LAMA5: variants seen among roughly 807,000 people sequenced by gnomAD.
LAMA5 encodes the protein laminin subunit alpha-5.
Under a neutral mutation model 433.4 loss-of-function variants are expected in LAMA5, and 260 were observed. That is an observed-to-expected ratio of 0.60 (90% confidence interval 0.54 to 0.66). The LOEUF is 0.66. Among genes scored for constraint, LAMA5 ranks in the 30% least tolerant of loss-of-function variants. The probability of loss-of-function intolerance (pLI) is 0.00; values close to 1 mark genes in which losing one functional copy is unlikely to be tolerated. For missense variants in LAMA5, 5,378 were observed against 5,258.5 expected, an observed-to-expected ratio of 1.02 and a Z score of -0.70; for synonymous variants, 2,620 against 2,226.6, an observed-to-expected ratio of 1.18 and a Z score of -4.97.
rs1038015186 is a variant in LAMA5 at position 62,322,734 on chromosome 20, G to A, written c.6089C>T (p.Thr2030Ile). The change falls in exon 46 of 80, where the codon ACA becomes ATA. Residue 2030 changes from threonine to isoleucine, a missense_variant. By Grantham distance (89) the Thr-to-Ile change is moderately conservative (BLOSUM62 -1). Coordinates refer to ENST00000252999, the MANE Select transcript of LAMA5 (RefSeq NM_005560.6). ...CCCGCTGTGGGGGTCGCAGGCCTCT[G>A]TCCCACATGGGGTACAGTCGCACCC... ...CTRCDCTPCG[T>I]EACDPHSGHC... 6 of 1,525,282 alleles carry A rather than the reference G, an allele frequency of 3.9e-6. No homozygotes were observed. The highest frequency in any genetic ancestry group is 1.3e-5 in the South Asian group (1 of 79,476). The allele number at this position is 1,525,282 out of a possible 1,614,324, so 94.5% of individuals were successfully genotyped here.
intron 51 of LAMA5, 124 bp downstream of exon 51, chr20:62,319,560 C>G (rs757574379): frequency 1.6e-5 from 11 of 671,788 alleles, no homozygotes; most frequent in Non-Finnish European, 2.8e-5. Flanking sequence ...CCAGAGGCGT[C>G]GTCTCCCATC....
At position 62,324,319 on chromosome 20, in the gene LAMA5, A is replaced by G; in HGVS notation, c.5644-115T>C. The G allele has an allele frequency of 7.0e-7, 1 of 1,436,836 alleles. No individual in the cohort carries two copies. The highest frequency in any genetic ancestry group is 2.0e-5 in the Admixed American group (1 of 48,838). The allele number at this position is 1,436,836 out of a possible 1,614,324, so 89.0% of individuals were successfully genotyped here. A position where few individuals can be genotyped will look rare whatever the true frequency, so the allele number is the denominator to read the frequency against. ...TGTGCCCAAGGCCAGATGGTCCCCC[A>G]CTGGGCAACACCCTTCCCCAGACCT... is the stretch of plus-strand genomic sequence containing the variant. On this transcript the variant is annotated intron_variant, in intron 42 of 79. Coordinates refer to ENST00000252999, the MANE Select transcript of LAMA5 (RefSeq NM_005560.6). This position sits in a 1 kb window ranked among gnomAD's most constrained non-coding sequence, Gnocchi z 4.4.
chr20:62,351,712 G>A lies in LAMA5; in HGVS notation c.948C>T (p.Asp316=). The A allele has an allele frequency of 1.9e-6, 3 of 1,611,572 alleles. No individual in the cohort carries two copies. Among genetic ancestry groups the A allele is most frequent in the South Asian group, 2.2e-5 (2 of 90,606 alleles). The part of the protein sequence containing the change: ...ADACDAKDPT[D]PFRLQCTCQH... ...CCTGAATGGGGCCTCACCTGAACGGGTCCGTGGGGTCTTTGGCATCGCAGG... is the reference window on the plus strand; with the variant it reads ...CCTGAATGGGGCCTCACCTGAACGGATCCGTGGGGTCTTTGGCATCGCAGG... The change falls in exon 6 of 80, where the codon GAC becomes GAT. Residue 316 remains aspartate, a synonymous_variant. Transcript: ENST00000252999.
intron 28 of LAMA5, 69 bp from the exon 29 acceptor site, chr20:62,331,198 ATGGGGGGG>A (rs1980341146): frequency 3.3e-6 from 1 of 307,054 alleles, no homozygotes; most frequent in Non-Finnish European, 4.9e-6. Flanking sequence ...AGGCGGTACG[ATGGGGGGG>A]TGCAGGCGGT....
Position 62,331,214 on chromosome 20 carries a change from G to GATGGGGGGGGTGCAGGCA in LAMA5, c.3553-86_3553-85insTGCCTGCACCCCCCCCAT, listed in dbSNP as rs1980355265. ...GGCGGTACGATGGGGGGGTGCAGGC[G>GATGGGGGGGGTGCAGGCA]GTACGATGGGGGGGTGCAGGCGGTA... On this transcript the variant is annotated intron_variant, in intron 28 of 79. Coordinates refer to ENST00000252999, the MANE Select transcript of LAMA5 (RefSeq NM_005560.6). The GATGGGGGGGGTGCAGGCA allele has an allele frequency of 1.5e-5, 3 of 194,738 alleles. 1 individual carries two copies. Among genetic ancestry groups the GATGGGGGGGGTGCAGGCA allele is most frequent in the African/African-American group, 1.2e-4 (2 of 16,972 alleles). The allele number at this position is 194,738 out of a possible 1,614,324, so 12.1% of individuals were successfully genotyped here. A position where few individuals can be genotyped will look rare whatever the true frequency, so the allele number is the denominator to read the frequency against.
rs776755768 is a variant in LAMA5, at chr20:62,338,381, G to T, written c.1619-12C>A. 1 of 1,606,932 alleles carries T rather than the reference G, an allele frequency of 6.2e-7. No individual in the cohort carries two copies. Among genetic ancestry groups the T allele is most frequent in the Non-Finnish European group, 8.5e-7 (1 of 1,176,694 alleles). ...GGAACACTGGCAGGCTGCAGGAAAG[G>T]GTGGCCCACATGCTTGGTCAGAGGC... On this transcript the variant is annotated splice_polypyrimidine_tract_variant and intron_variant, in intron 12 of 79. Transcript: ENST00000252999.
Position 62,312,954 on chromosome 20 carries a change from A to T in LAMA5, c.9012T>A (p.Phe3004Leu). The T allele has an allele frequency of 6.3e-7, 1 of 1,582,902 alleles. No homozygotes were observed. The highest frequency in any genetic ancestry group is 8.6e-7 in the Non-Finnish European group (1 of 1,162,698). ...GGACGGCCTTTTTCAGGCCAGCCCCAAAGTCATACAACAGCACGAGGCTGC... is the reference window on the plus strand; with the variant it reads ...GGACGGCCTTTTTCAGGCCAGCCCCTAAGTCATACAACAGCACGAGGCTGC... ...QEGSLVLLYDFGAGLKKAVPL... is the reference protein window; with the variant it reads ...QEGSLVLLYDLGAGLKKAVPL... Residue 3004 changes from phenylalanine (F) to leucine (L), a missense_variant, in exon 66 of 80, where the codon TTT becomes TTA. Transcript: ENST00000252999.
At position 62,316,006 on chromosome 20, in the gene LAMA5, C is replaced by T. The variant is rs755234059; in HGVS notation, c.7809G>A (p.Lys2603=). ...GGATGTGCGCCTCCAGCTGGTCCTT[C>T]TTGGCCCGGACATCTCGGAGCTGGG... ...ARTQLRDVRA[K]KDQLEAHIQA... The change falls in exon 58 of 80, where the codon AAG becomes AAA. Residue 2603 remains lysine, a synonymous_variant. Coordinates refer to ENST00000252999, the MANE Select transcript of LAMA5 (RefSeq NM_005560.6). 4 of 1,609,844 alleles carry T rather than the reference C, an allele frequency of 2.5e-6. No individual in the cohort carries two copies. The highest frequency in any genetic ancestry group is 2.7e-5 in the African/African-American group (2 of 74,922).
intron 2 of LAMA5, among the ~76,000 whole-genome samples, chr20:62,362,185 T>G (rs947791366): frequency 1.3e-5 from 2 of 152,246 alleles, no homozygotes; most frequent in Non-Finnish European, 1.5e-5. Context: ...GCTTTCCCTG[T>G]GTCATGGGGA....
intron 46 of LAMA5, 38 bp downstream of exon 46, chr20:62,322,620 G>GGGGGCCCCCC: frequency 7.1e-7 from 1 of 1,399,006 alleles, no homozygotes; most frequent in South Asian, 1.2e-5. Flanking sequence ...TAGTCCCTAG[G>GGGGGCCCCCC]CCCCACCCAC....
chr20:62,344,791 TA>T (rs200048179), intron 11 of LAMA5, among the ~76,000 whole-genome samples: 79 of 144,732 alleles, frequency 5.5e-4, no homozygotes, highest in African/African-American at 6.3e-4. Flanking sequence ...ACAGCATAAT[TA>T]AAAAAAAAAA....
At position 62,333,464 on chromosome 20, in the gene LAMA5, C is replaced by T; in HGVS notation, c.3039G>A (p.Leu1013=). The change falls in exon 25 of 80, where the codon CTG becomes CTA. Residue 1013 remains leucine, a synonymous_variant. Transcript: ENST00000252999. ...GCGCCGCCTCGTAGTATGCGCTAGG[C>T]AGCAGAACCACGTAGTCCTGCAGGG... ...EGVLLDYVVL[L]PSAYYEAALL... 6.2e-7 allele frequency: 1 copy of T among 1,612,586 alleles called. No individual in the cohort carries two copies. Among genetic ancestry groups the T allele is most frequent in the Non-Finnish European group, 8.5e-7 (1 of 1,179,844 alleles).
intron 19 of LAMA5, 42 bp from the exon 20 acceptor site, chr20:62,335,168 C>A (rs769705219): frequency 1.2e-6 from 2 of 1,612,464 alleles, no homozygotes; most frequent in Non-Finnish European, 1.7e-6. Context: ...AGGGGAGGGT[C>A]CTGACCAGTG....
intron 66 of LAMA5, 35 bp from the exon 67 acceptor site, chr20:62,312,815 G>A: frequency 6.2e-7 from 1 of 1,600,348 alleles, no homozygotes; most frequent in South Asian, 1.1e-5. Flanking sequence ...GGCCAGCTGT[G>A]TCCCTGCGGC....
intron 45 of LAMA5, 112 bp downstream of exon 45, chr20:62,323,344 T>C (rs2146130794): frequency 2.2e-6 from 2 of 909,744 alleles, no homozygotes; most frequent in Non-Finnish European, 3.2e-6. Context: ...CGACTTGTCC[T>C]GGCTGGGCCC....
intron 77 of LAMA5, 41 bp from the exon 78 acceptor site, chr20:62,310,122 G>A: frequency 6.2e-7 from 1 of 1,611,250 alleles, no homozygotes. Flanking sequence ...TGCCCCCGAG[G>A]TCACCAGAAT....
At position 62,363,418 on chromosome 20, in the gene LAMA5, C is replaced by T. The variant is rs546563031; in HGVS notation, c.298-866G>A. Among the ~76,000 whole-genome samples, 236 of 152,266 alleles carry T rather than the reference C, an allele frequency of 1.5e-3. 1 individual carries two copies. The highest frequency in any genetic ancestry group is 3.0e-3 in the Non-Finnish European group (206 of 68,004). On this transcript the variant is annotated intron_variant, in intron 1 of 79. Transcript: ENST00000252999. ...TGGCTCACACACACAGCCTGGCAGC[C>T]GCTTCTGTCCCGGGCCTGCCATCTG... is the stretch of plus-strand genomic sequence containing the variant.
chr20:62,319,077 T>A, intron 51 of LAMA5, 64 bp from the exon 52 acceptor site: 2 of 1,431,564 alleles, frequency 1.4e-6, no homozygotes, highest in East Asian at 5.0e-5. Flanking sequence ...GCCTGCTGGC[T>A]TCCAAGCCCA....
intron 71 of LAMA5, 38 bp from the exon 72 acceptor site, chr20:62,311,574 G>T (rs376821857): frequency 1.7e-5 from 27 of 1,609,648 alleles, no homozygotes; most frequent in Non-Finnish European, 2.2e-5. Context: ...GCTGCGGAAG[G>T]CCAGCTGGGA....
Sources: allele counts gnomAD v4.1 joint callset (sites outside exome capture counted in the v4.1 genomes callset), GRCh38; gene constraint gnomAD v4.1.1; non-coding constraint Gnocchi (gnomAD v3.1); transcripts MANE v1.5; gene names NCBI Gene and HGNC (gene_info 2026-07-23, HGNC 2026-07-21).